MMP3: variants seen among roughly 807,000 people sequenced by gnomAD.
MMP3 encodes the protein stromelysin-1.
A neutral mutation model predicts 47.3 loss-of-function variants in MMP3; 46 were observed. That is an observed-to-expected ratio of 0.97 (90% CI 0.77 to 1.24). MMP3 has a LOEUF of 1.24. Among genes scored for constraint, MMP3 ranks in the 50% most tolerant of loss-of-function variants. The probability of loss-of-function intolerance (pLI) is 0.00; values close to 1 mark genes in which losing one functional copy is unlikely to be tolerated. For missense variants in MMP3, 558 were observed against 565.5 expected (o/e 0.99, Z 0.13); for synonymous variants, 216 against 206.5 (o/e 1.05, Z -0.39).
Position 102,836,336 on chromosome 11 carries a change from C to A in MMP3, c.1334-110G>T. ...CTAAAAATAGAAAGTGTTTATAGAG[C>A]TTTACTTTATGTCAGGGACTATGCC... On this transcript the variant is annotated intron_variant, in intron 9 of 9. Transcript: ENST00000299855. The surrounding 1 kb of genome is among the most constrained non-coding windows in gnomAD (Gnocchi z 4.6). The A allele has an allele frequency of 1.2e-6, 1 of 831,632 alleles. No individual in the cohort carries two copies. Among genetic ancestry groups the A allele is most frequent in the South Asian group, 1.5e-5 (1 of 65,686 alleles). 51.5% of individuals were successfully genotyped at this position (831,632 alleles called of 1,614,324 possible). A position where few individuals can be genotyped will look rare whatever the true frequency, so the allele number is the denominator to read the frequency against.
In MMP3 at chr11:102,837,524, G is replaced by C. The variant is rs782296399; in HGVS notation, c.1230-123C>G. ...TATAAATACTGCAAATAAATGCCAA[G>C]CATATTTGGGACTATAGAAATATGT... is the stretch of plus-strand genomic sequence containing the variant. On this transcript the variant is annotated intron_variant, in intron 8 of 9. Coordinates refer to ENST00000299855, the MANE Select transcript of MMP3 (RefSeq NM_002422.5). This position sits in a 1 kb window ranked among gnomAD's most constrained non-coding sequence, Gnocchi z 4.4. 11 of 687,510 alleles carry C rather than the reference G, an allele frequency of 1.6e-5. No individual in the cohort carries two copies. Among genetic ancestry groups the C allele is most frequent in the Non-Finnish European group, 2.5e-5 (10 of 400,804 alleles). The allele number at this position is 687,510 out of a possible 1,614,324, so 42.6% of individuals were successfully genotyped here. A position where few individuals can be genotyped will look rare whatever the true frequency, so the allele number is the denominator to read the frequency against.
rs1858903933 is a variant in MMP3, at chr11:102,837,478, AT to A, written c.1230-78del. 1 of 1,086,432 alleles carries A rather than the reference AT, an allele frequency of 9.2e-7. No individual in the cohort carries two copies. The highest frequency in any genetic ancestry group is 2.0e-4 in the Middle Eastern group (1 of 4,886). 67.3% of individuals were successfully genotyped at this position (1,086,432 alleles called of 1,614,324 possible). A position where few individuals can be genotyped will look rare whatever the true frequency, so the allele number is the denominator to read the frequency against. On this transcript the variant is annotated intron_variant, in intron 8 of 9. Coordinates refer to ENST00000299855, the MANE Select transcript of MMP3 (RefSeq NM_002422.5). The surrounding 1 kb of genome is among the most constrained non-coding windows in gnomAD (Gnocchi z 4.4). ...AACATCTTAGATCATGTTAGGTTTA[AT>A]GTGGAATTTTACTAAACTTTATAAA...
In MMP3 at chr11:102,839,216, C is replaced by T. The variant is rs146875246; in HGVS notation, c.963G>A (p.Lys321=). ...AGATCAAATGCAATTCAGGTTCAAG[C>T]TTCCTGAGGGATTTGCGCCAAAAGT... The part of the protein sequence containing the change: ...DRHFWRKSLR[K]LEPELHLISS... The change falls in exon 7 of 10, where the codon AAG becomes AAA. Residue 321 remains lysine, a synonymous_variant. Coordinates refer to ENST00000299855, the MANE Select transcript of MMP3 (RefSeq NM_002422.5). 2.5e-6 allele frequency: 4 copies of T among 1,614,036 alleles called. No homozygotes were observed. The Admixed American group carries it at 5.0e-5, about 20-fold the overall frequency.
At chr11:102,841,026 C>T (rs1858987624) in intron 4 of MMP3, among the ~76,000 whole-genome samples, 1 of 152,148 alleles carries the variant, frequency 6.6e-6, no homozygotes, top group South Asian at 2.1e-4. Flanking sequence ...TTAAAGGAAA[C>T]TATATTCATG....
rs2134399723 is a variant in MMP3 at position 102,840,149 on chromosome 11, A to G, written c.894T>C (p.Ala298=). ...ANCDPALSFD[A]VSTLRGEILI... ...GGATTTCTCCCCTCAGAGTGCTGAC[A>G]GCATCAAAGGACAAAGCAGGATCAC... Residue 298 remains alanine, a synonymous_variant, in exon 6 of 10, where the codon GCT becomes GCC. Coordinates refer to ENST00000299855, the MANE Select transcript of MMP3 (RefSeq NM_002422.5). The G allele has an allele frequency of 6.2e-7, 1 of 1,614,126 alleles. No individual in the cohort carries two copies. The highest frequency in any genetic ancestry group is 8.5e-7 in the Non-Finnish European group (1 of 1,179,994).
At chr11:102,840,408 G>C in intron 5 of MMP3, 21 bp downstream of exon 5, 1 of 1,609,482 alleles carries the variant, frequency 6.2e-7, no homozygotes, top group East Asian at 2.2e-5. Flanking sequence ...TACAATGGCT[G>C]ATTTTCCCAG....
Position 102,837,226 on chromosome 11 carries a change from A to G in MMP3, c.1333+72T>C. 5 of 1,180,280 alleles carry G rather than the reference A, an allele frequency of 4.2e-6. No homozygotes were observed. Among genetic ancestry groups the G allele is most frequent in the South Asian group, 2.6e-5 (2 of 76,780 alleles). 73.1% of individuals were successfully genotyped at this position (1,180,280 alleles called of 1,614,324 possible). ...AAACACTTGTTATTAAAAAGTTTCA[A>G]TGCTCCTCTTCCCTCTGATATCATA... On this transcript the variant is annotated intron_variant, in intron 9 of 9. Transcript: ENST00000299855. This position sits in a 1 kb window ranked among gnomAD's most constrained non-coding sequence, Gnocchi z 4.4.
rs1858906358 is a variant in MMP3, at chr11:102,837,601, A to G, written c.1230-200T>C. Among the ~76,000 whole-genome samples the G allele has an allele frequency of 6.6e-6, 1 of 152,184 alleles. No individual in the cohort carries two copies. The highest frequency in any genetic ancestry group is 2.1e-4 in the South Asian group (1 of 4,838). ...TGAAAGCCATATCTCCATCCGGAAC[A>G]GGGGCCGCATCCTGCTGTATGTAGC... On this transcript the variant is annotated intron_variant, in intron 8 of 9. Coordinates refer to ENST00000299855, the MANE Select transcript of MMP3 (RefSeq NM_002422.5). The surrounding 1 kb of genome is among the most constrained non-coding windows in gnomAD (Gnocchi z 4.4).
At position 102,840,440 on chromosome 11, in the gene MMP3, TG is replaced by T; in HGVS notation, c.778del (p.Gln260SerfsTer43). On this transcript the variant is annotated frameshift_variant, in exon 5 of 10. Coordinates refer to ENST00000299855, the MANE Select transcript of MMP3 (RefSeq NM_002422.5). LOFTEE classifies it high-confidence loss of function. ...CCAGTGTCACTCACCATAGAGGGAC[TG>T]AATGCCATTTATATCATCTTGAGAC... The part of the protein sequence containing the change: ...RLSQDDINGI[Q>X]SLYGPPPDSP... 1 of 1,613,992 alleles carries T rather than the reference TG, an allele frequency of 6.2e-7. No homozygotes were observed.
chr11:102,839,009 G>T, intron 7 of MMP3, 101 bp downstream of exon 7: 1 of 1,263,974 alleles, frequency 7.9e-7, no homozygotes, highest in Non-Finnish European at 1.1e-6. Flanking sequence ...GTTGACTACT[G>T]TATTAGCCAG....
chr11:102,838,356 C>G (rs967532426), intron 8 of MMP3, among the ~76,000 whole-genome samples, 195 bp downstream of exon 8: 5 of 152,110 alleles, frequency 3.3e-5, no homozygotes, highest in Non-Finnish European at 5.9e-5. Context: ...CACCAGCCAA[C>G]TGCACTTGGG....
rs1555005269 is a variant in MMP3 at position 102,840,437 on chromosome 11, G to A, written c.782C>T (p.Ser261Phe). The part of the protein sequence containing the change: ...LSQDDINGIQ[S>F]LYGPPPDSPE... ...TTCCCAGTGTCACTCACCATAGAGG[G>A]ACTGAATGCCATTTATATCATCTTG... The change falls in exon 5 of 10, where the codon TCC (serine) becomes TTC (phenylalanine). Residue 261 changes from serine (S) to phenylalanine (F), a missense_variant. Ser to Phe is a radical substitution (Grantham distance 155, BLOSUM62 -2). Coordinates refer to ENST00000299855, the MANE Select transcript of MMP3 (RefSeq NM_002422.5). 4.3e-6 allele frequency: 7 copies of A among 1,613,784 alleles called. No homozygotes were observed. The highest frequency in any genetic ancestry group is 2.2e-5 in the South Asian group (2 of 91,014).
chr11:102,838,844 C>T lies in MMP3; in HGVS notation c.1070-134G>A, dbSNP rs1858937021. On this transcript the variant is annotated intron_variant, in intron 7 of 9. Coordinates refer to ENST00000299855, the MANE Select transcript of MMP3 (RefSeq NM_002422.5). The stretch of plus-strand genomic sequence containing the variant: ...AATTTTAGATTTAGTCACCAGCTTA[C>T]AGTGGGCTTTTCACAAAAATTTGCA... 3.5e-6 allele frequency: 4 copies of T among 1,132,072 alleles called. No homozygotes were observed. In the Admixed American group the frequency reaches 8.7e-5, roughly 25 times the overall value. The allele number at this position is 1,132,072 out of a possible 1,614,324, so 70.1% of individuals were successfully genotyped here.
chr11:102,836,080 T>C lies in MMP3; in HGVS notation c.*46A>G, dbSNP rs945505538. 3 of 1,356,022 alleles carry C rather than the reference T, an allele frequency of 2.2e-6. No individual in the cohort carries two copies. The highest frequency in any genetic ancestry group is 1.4e-5 in the African/African-American group (1 of 69,494). The allele number at this position is 1,356,022 out of a possible 1,614,324, so 84.0% of individuals were successfully genotyped here. On this transcript the variant is annotated 3_prime_UTR_variant, in exon 10 of 10. Coordinates refer to ENST00000299855, the MANE Select transcript of MMP3 (RefSeq NM_002422.5). This position sits in a 1 kb window ranked among gnomAD's most constrained non-coding sequence, Gnocchi z 4.6. The stretch of plus-strand genomic sequence containing the variant: ...TCACAGAGACTTAGGTGAAGAATTA[T>C]TAGCTTCATTTAAAGTGCCCATATT...
rs782089476 is a variant in MMP3, at chr11:102,837,031, C to A, written c.1333+267G>T. 6.6e-6 allele frequency among the ~76,000 whole-genome samples: 1 copy of A among 151,992 alleles called. No individual in the cohort carries two copies. The highest frequency in any genetic ancestry group is 2.4e-5 in the African/African-American group (1 of 41,362). ...TCGAGCTTGACTCCACATGTTAGCT[C>A]GAGATGTAAGTGACACTGGAGCACT... On this transcript the variant is annotated intron_variant, in intron 9 of 9. Transcript: ENST00000299855. The surrounding 1 kb of genome is among the most constrained non-coding windows in gnomAD (Gnocchi z 4.4).
intron 6 of MMP3, 106 bp from the exon 7 acceptor site, chr11:102,839,349 C>G (rs1858950588): frequency 3.0e-6 from 4 of 1,312,604 alleles, no homozygotes; most frequent in Middle Eastern, 4.6e-4. Context: ...CTCTCATCTT[C>G]TAGGCTGGAT....
In MMP3 at chr11:102,839,166, G is replaced by A. The variant is rs200470692; in HGVS notation, c.1013C>T (p.Ser338Leu). Residue 338 changes from serine (S) to leucine (L), a missense_variant, in exon 7 of 10, where the codon TCA (serine) becomes TTA (leucine). Coordinates refer to ENST00000299855, the MANE Select transcript of MMP3 (RefSeq NM_002422.5). ...LISSFWPSLPSGVDAAYEVTS... is the reference protein window; with the variant it reads ...LISSFWPSLPLGVDAAYEVTS... ...AACTTCATATGCGGCATCCACGCCTGAAGGAAGAGATGGCCAAAATGAAGA... is the reference window on the plus strand; with the variant it reads ...AACTTCATATGCGGCATCCACGCCTAAAGGAAGAGATGGCCAAAATGAAGA... The A allele has an allele frequency of 6.8e-5, 109 of 1,614,162 alleles. No homozygotes were observed. The East Asian group carries it at 2.4e-3, about 36-fold the overall frequency.
Position 102,837,152 on chromosome 11 carries a change from A to G in MMP3, c.1333+146T>C, listed in dbSNP as rs571047529. 48 of 605,076 alleles carry G rather than the reference A, an allele frequency of 7.9e-5. No homozygotes were observed. The highest frequency in any genetic ancestry group is 2.7e-4 in the Admixed American group (9 of 33,278). 37.5% of individuals were successfully genotyped at this position (605,076 alleles called of 1,614,324 possible). ...TATTTTGTGAAGTAGTTCTATAATG[A>G]GTACAAATGTAGGCGAATCAAAATT... On this transcript the variant is annotated intron_variant, in intron 9 of 9. Transcript: ENST00000299855. This position sits in a 1 kb window ranked among gnomAD's most constrained non-coding sequence, Gnocchi z 4.4.
intron 7 of MMP3, 148 bp from the exon 8 acceptor site, chr11:102,838,858 C>A: frequency 9.6e-7 from 1 of 1,039,804 alleles, no homozygotes; most frequent in Non-Finnish European, 1.4e-6. Flanking sequence ...GGGCTTTTCA[C>A]AAAAATTTGC....
Sources: gnomAD v4.1 joint callset for allele counts (sites outside exome capture counted in the v4.1 genomes callset) on GRCh38, gnomAD v4.1.1 for gene constraint, Gnocchi (gnomAD v3.1) non-coding constraint, MANE v1.5 for transcripts, NCBI Gene and HGNC (gene_info 2026-07-23, HGNC 2026-07-21) for gene names.